Variants in CRPPA observed in about 807,000 individuals in gnomAD.
The protein encoded by CRPPA is CDP-L-ribitol pyrophosphorylase A.
Under a neutral mutation model 52.0 loss-of-function variants are expected in CRPPA, and 43 were observed. That is an observed-to-expected ratio of 0.83 (90% CI 0.65 to 1.07). The LOEUF (loss-of-function observed/expected upper bound fraction) is 1.07, where lower values mean the gene tolerates loss of function less well. Among genes scored for constraint, CRPPA ranks in the 50% least tolerant of loss-of-function variants. CRPPA has a pLI of 0.00. For synonymous variants in CRPPA, 250 were observed against 203.5 expected (o/e 1.23, Z -1.94); for missense variants, 629 against 551.7 (o/e 1.14, Z -1.40).
At chr7:16,153,327 T>C (rs1048597536) in intron 9 of CRPPA, among the ~76,000 whole-genome samples, 2 of 152,106 alleles carry the variant, frequency 1.3e-5, no homozygotes, top group Admixed American at 1.3e-4. Flanking sequence ...TCCCTGTGGC[T>C]TATTTCTATT....
At chr7:16,415,681 T>C (rs916226106) in intron 1 of CRPPA, among the ~76,000 whole-genome samples, 1 of 152,190 alleles carries the variant, frequency 6.6e-6, no homozygotes, top group Non-Finnish European at 1.5e-5. Flanking sequence ...TTTCCTGGGT[T>C]CATTAAATCT....
chr7:16,341,008 A>G (rs1366226421), intron 3 of CRPPA, among the ~76,000 whole-genome samples: 1 of 152,182 alleles, frequency 6.6e-6, no homozygotes, highest in African/African-American at 2.4e-5. Context: ...TGAAAAGGTT[A>G]TATACTGTGT....
intron 9 of CRPPA, among the ~76,000 whole-genome samples, chr7:16,130,578 C>T (rs1488851127): frequency 6.6e-6 from 1 of 152,194 alleles, no homozygotes; most frequent in African/African-American, 2.4e-5. Context: ...TCCACCCCTC[C>T]TTCTGTCAAA....
intron 8 of CRPPA, 91 bp downstream of exon 8, chr7:16,258,299 C>G (rs1270886154): frequency 4.0e-6 from 3 of 749,624 alleles, no homozygotes; most frequent in Non-Finnish European, 6.5e-6. Context: ...TGGGTCAATG[C>G]TCTCAATTGG....
chr7:16,194,009 G>A (rs12668400), intron 9 of CRPPA, among the ~76,000 whole-genome samples: 46,060 of 151,888 alleles, frequency 0.3, 7,276 homozygotes, highest in East Asian at 0.51. Flanking sequence ...CACCAATGGT[G>A]AAAGTTTACC....
chr7:16,154,947 T>C (rs1783146220), intron 9 of CRPPA, among the ~76,000 whole-genome samples: 1 of 149,538 alleles, frequency 6.7e-6, no homozygotes, highest in Non-Finnish European at 1.5e-5. Context: ...AGCTGGGACA[T>C]GCACCACACA....
chr7:16,378,791 A>G (rs1786984824), intron 2 of CRPPA, among the ~76,000 whole-genome samples: 1 of 152,048 alleles, frequency 6.6e-6, no homozygotes, highest in Non-Finnish European at 1.5e-5. Flanking sequence ...TGACTTTTTA[A>G]TGATTGCCAT....
intron 3 of CRPPA, among the ~76,000 whole-genome samples, chr7:16,372,914 T>C (rs1338758384): frequency 1.3e-5 from 2 of 152,200 alleles, no homozygotes; most frequent in Non-Finnish European, 2.9e-5. Context: ...GAAAAAGGGA[T>C]ACATGATAGA....
rs537061310 is a variant in CRPPA at position 16,279,912 on chromosome 7, G to A, written c.836-1686C>T. ...AAGAAAGAATTTTATTGGACTTACA[G>A]TTCCATGTGGCTGGGGAGGCCTCAC... On this transcript the variant is annotated intron_variant, in intron 5 of 9. Coordinates refer to ENST00000407010, the MANE Select transcript of CRPPA (RefSeq NM_001101426.4). Among the ~76,000 whole-genome samples, 8 of 152,326 alleles carry A rather than the reference G, an allele frequency of 5.3e-5. No individual in the cohort carries two copies. The South Asian group carries it at 1.2e-3, about 24-fold the overall frequency.
chr7:16,302,164 C>G (rs538787669), intron 4 of CRPPA, among the ~76,000 whole-genome samples: 2 of 151,848 alleles, frequency 1.3e-5, no homozygotes, highest in South Asian at 4.2e-4. Context: ...GGCGCGGTGG[C>G]GGGCGCCTGT....
intron 9 of CRPPA, among the ~76,000 whole-genome samples, chr7:16,161,819 C>T (rs1562532629): frequency 6.6e-6 from 1 of 152,004 alleles, no homozygotes; most frequent in East Asian, 1.9e-4. Context: ...TGGTCCTGGG[C>T]TTTTTTTGGT....
At chr7:16,307,745 C>T (rs1784943692) in intron 4 of CRPPA, among the ~76,000 whole-genome samples, 1 of 137,592 alleles carries the variant, frequency 7.3e-6, no homozygotes, top group Non-Finnish European at 1.6e-5. Flanking sequence ...CCACAGGAAA[C>T]AGTCTAATTC....
chr7:16,406,449 G>A lies in CRPPA; in HGVS notation c.258-112C>T, dbSNP rs1051746908. 5 of 915,408 alleles carry A rather than the reference G, an allele frequency of 5.5e-6. No homozygotes were observed. The African/African-American group carries it at 6.7e-5, about 12-fold the overall frequency. The allele number at this position is 915,408 out of a possible 1,614,324, so 56.7% of individuals were successfully genotyped here. A position where few individuals can be genotyped will look rare whatever the true frequency, so the allele number is the denominator to read the frequency against. ...TATTTAAATAGGGAGATTAAAAACT[G>A]CAAGTTAATAAAACAGTTTTATGCA... On this transcript the variant is annotated intron_variant, in intron 1 of 9. Coordinates refer to ENST00000407010, the MANE Select transcript of CRPPA (RefSeq NM_001101426.4).
intron 9 of CRPPA, among the ~76,000 whole-genome samples, chr7:16,195,015 A>G (rs975760757): frequency 6.6e-6 from 1 of 152,032 alleles, no homozygotes; most frequent in Non-Finnish European, 1.5e-5. Flanking sequence ...TTATTGCCTC[A>G]TCCCACCAAG....
chr7:16,351,139 C>T (rs567925797), intron 3 of CRPPA, among the ~76,000 whole-genome samples: 23 of 151,970 alleles, frequency 1.5e-4, no homozygotes, highest in Non-Finnish European at 3.1e-4. Context: ...AATTGTAACA[C>T]AGTAACAGAT....
intron 8 of CRPPA, among the ~76,000 whole-genome samples, chr7:16,228,485 T>A (rs1319509987): frequency 6.6e-6 from 1 of 151,910 alleles, no homozygotes; most frequent in East Asian, 1.9e-4. Flanking sequence ...TCCCATAGAT[T>A]TTGGTATGTT....
intron 3 of CRPPA, among the ~76,000 whole-genome samples, chr7:16,344,405 C>CAAAAA (rs35320924): frequency 4.4e-4 from 44 of 99,308 alleles, no homozygotes; most frequent in Non-Finnish European, 6.7e-4. Context: ...TATCTCTACC[C>CAAAAA]AAAAAAAAAA....
chr7:16,164,420 T>G (rs1297564099), intron 9 of CRPPA, among the ~76,000 whole-genome samples: 1 of 152,198 alleles, frequency 6.6e-6, no homozygotes, highest in African/African-American at 2.4e-5. Flanking sequence ...TAACCTTTTT[T>G]CAAGGTTCTA....
At chr7:16,194,259 G>A (rs1162860321) in intron 9 of CRPPA, among the ~76,000 whole-genome samples, 1 of 152,064 alleles carries the variant, frequency 6.6e-6, no homozygotes, top group Non-Finnish European at 1.5e-5. Flanking sequence ...TATTGCCCTA[G>A]AACACTGAAA....
Sources: gnomAD v4.1 joint callset for allele counts (sites outside exome capture counted in the v4.1 genomes callset) on GRCh38, gnomAD v4.1.1 for gene constraint, MANE v1.5 for transcripts, NCBI Gene and HGNC (gene_info 2026-07-23, HGNC 2026-07-21) for gene names.